Variants in UBE2E3 observed in about 807,000 individuals in gnomAD.
UBE2E3 encodes the protein ubiquitin-conjugating enzyme E2 E3.
In UBE2E3, 5 loss-of-function variants were observed where a neutral mutation model predicts 23.6. That is an observed-to-expected ratio of 0.21 (90% CI 0.11 to 0.44). UBE2E3 has a LOEUF of 0.44. Ranked by LOEUF, UBE2E3 falls within the 20% of genes least tolerant of loss-of-function variation. UBE2E3 has a pLI of 0.99. For missense variants in UBE2E3, 81 were observed against 249.8 expected, an observed-to-expected ratio of 0.32 and a Z score of 4.55; for synonymous variants, 78 against 87.5, an observed-to-expected ratio of 0.89 and a Z score of 0.60.
rs145412385 is a variant in UBE2E3 at position 180,992,170 on chromosome 2, T to C, written c.245+8077T>C. 3.9e-5 allele frequency among the ~76,000 whole-genome samples: 6 copies of C among 152,330 alleles called. No homozygotes were observed. In the East Asian group the frequency reaches 1.2e-3, roughly 29 times the overall value. ...GTAACTTGTATGCTTAAGAGTTCTT[T>C]TCTCTTAAGGTGAAACTATCAGTGT... On this transcript the variant is annotated intron_variant, in intron 3 of 5. Transcript: ENST00000410062.
chr2:181,009,012 A>G (rs1019076803), intron 3 of UBE2E3, among the ~76,000 whole-genome samples: 21 of 143,460 alleles, frequency 1.5e-4, no homozygotes, highest in African/African-American at 5.2e-4. Context: ...ATTAAATATT[A>G]TAGCAGTGCT....
chr2:181,060,053 A>G (rs1687098712), intron 4 of UBE2E3, among the ~76,000 whole-genome samples: 1 of 151,678 alleles, frequency 6.6e-6, no homozygotes, highest in Non-Finnish European at 1.5e-5. Context: ...CCAGTAGCTA[A>G]AAACCTTGTT....
rs115123625 is a variant in UBE2E3 at position 181,022,311 on chromosome 2, A to C, written c.246-35382A>C. On this transcript the variant is annotated intron_variant, in intron 3 of 5. Transcript: ENST00000410062. ...GAAGATTTATCAAACATTTAGAAAA[A>C]TAAACACAGTTGATTTTCATTATTC... 3.4e-3 allele frequency among the ~76,000 whole-genome samples: 523 copies of C among 152,230 alleles called. 2 individuals carry two copies. Among genetic ancestry groups the C allele is most frequent in the Admixed American group, 6.0e-3 (91 of 15,278 alleles).
intron 3 of UBE2E3, among the ~76,000 whole-genome samples, chr2:181,035,782 T>C (rs6722001): frequency 0.042 from 6,363 of 152,288 alleles, 193 homozygotes; most frequent in African/African-American, 0.076. Flanking sequence ...ACCCCTGATA[T>C]ATAGTTGTAC....
At chr2:181,028,032 A>G (rs1685953197) in intron 3 of UBE2E3, among the ~76,000 whole-genome samples, 1 of 152,000 alleles carries the variant, frequency 6.6e-6, no homozygotes, top group South Asian at 2.1e-4. Flanking sequence ...CTTCACCCAG[A>G]TGTGATCATT....
chr2:181,006,210 G>A (rs1398515600), intron 3 of UBE2E3, among the ~76,000 whole-genome samples: 1 of 152,114 alleles, frequency 6.6e-6, no homozygotes, highest in Non-Finnish European at 1.5e-5. Flanking sequence ...GTGAGAGCTA[G>A]AATTGAGCAC....
chr2:180,991,986 G>A (rs1369106893), intron 3 of UBE2E3, among the ~76,000 whole-genome samples: 2 of 152,204 alleles, frequency 1.3e-5, no homozygotes, highest in Non-Finnish European at 2.9e-5. Context: ...GATAGGTAGG[G>A]ACTGCTCTGC....
intron 3 of UBE2E3, among the ~76,000 whole-genome samples, chr2:181,006,948 A>G (rs2105601207): frequency 6.6e-6 from 1 of 152,316 alleles, no homozygotes; most frequent in East Asian, 1.9e-4. Context: ...TATAATACCT[A>G]ACAATCTAAT....
chr2:181,042,500 G>C (rs1008271544), intron 3 of UBE2E3, among the ~76,000 whole-genome samples: 8 of 152,160 alleles, frequency 5.3e-5, no homozygotes, highest in African/African-American at 1.9e-4. Context: ...TATTGAAAGA[G>C]GCAGTAGTCA....
At chr2:181,045,218 C>G (rs571979789) in intron 3 of UBE2E3, among the ~76,000 whole-genome samples, 38 of 152,216 alleles carry the variant, frequency 2.5e-4, no homozygotes, top group Non-Finnish European at 7.4e-5. Flanking sequence ...CTCATTTGAT[C>G]AATTTTAAAA....
At chr2:180,984,352 TTC>T (rs1442242828) in intron 3 of UBE2E3, among the ~76,000 whole-genome samples, 2 of 152,336 alleles carry the variant, frequency 1.3e-5, no homozygotes, top group Non-Finnish European at 2.9e-5. Context: ...CTGATTTTTG[TTC>T]TGATGTATTT....
At position 181,062,935 on chromosome 2, in the gene UBE2E3, A is replaced by C; in HGVS notation, c.*47A>C. On this transcript the variant is annotated 3_prime_UTR_variant, in exon 6 of 6. Transcript: ENST00000410062. The stretch of plus-strand genomic sequence containing the variant: ...GTGAAGGAGCAGAAGGCATCTTCTC[A>C]CTGTGCTGCAAATCTTTATAGCCTT... 1.7e-6 allele frequency: 2 copies of C among 1,189,924 alleles called. No individual in the cohort carries two copies. The highest frequency in any genetic ancestry group is 2.5e-6 in the Non-Finnish European group (2 of 809,164). The allele number at this position is 1,189,924 out of a possible 1,614,324, so 73.7% of individuals were successfully genotyped here. A position where few individuals can be genotyped will look rare whatever the true frequency, so the allele number is the denominator to read the frequency against.
intron 3 of UBE2E3, among the ~76,000 whole-genome samples, chr2:181,039,726 G>T (rs528564073): frequency 6.6e-6 from 1 of 152,272 alleles, no homozygotes; most frequent in African/African-American, 2.4e-5. Context: ...TGATGTCTAG[G>T]AGTTAAATAA....
intron 2 of UBE2E3, among the ~76,000 whole-genome samples, chr2:180,983,449 T>G (rs1293450726): frequency 3.3e-5 from 5 of 152,202 alleles, no homozygotes; most frequent in Non-Finnish European, 5.9e-5. Flanking sequence ...TTTCTCCTCT[T>G]TCTCTCAATG....
intron 3 of UBE2E3, among the ~76,000 whole-genome samples, chr2:181,047,548 G>A (rs1462287494): frequency 6.6e-6 from 1 of 152,028 alleles, no homozygotes; most frequent in Non-Finnish European, 1.5e-5. Flanking sequence ...CTCAGTCATA[G>A]CAGTCTGAAA....
rs184333411 is a variant in UBE2E3 at position 181,000,005 on chromosome 2, A to G, written c.245+15912A>G. Among the ~76,000 whole-genome samples the G allele has an allele frequency of 3.1e-3, 473 of 152,358 alleles. 1 individual carries two copies. The highest frequency in any genetic ancestry group is 4.6e-3 in the Non-Finnish European group (316 of 68,024). On this transcript the variant is annotated intron_variant, in intron 3 of 5. Coordinates refer to ENST00000410062, the MANE Select transcript of UBE2E3 (RefSeq NM_006357.4). The stretch of plus-strand genomic sequence containing the variant: ...CTTTTGAAAGTGGTTCTGGCCCACA[A>G]ATAGCAATGATCAGTGATACAGAAT...
At chr2:181,062,495 A>G (rs1430964148) in intron 5 of UBE2E3, among the ~76,000 whole-genome samples, 1 of 151,690 alleles carries the variant, frequency 6.6e-6, no homozygotes, top group African/African-American at 2.4e-5. Flanking sequence ...TTTGAATGAA[A>G]GGCCAAAATT....
intron 4 of UBE2E3, 71 bp from the exon 5 acceptor site, chr2:181,060,594 A>T (rs1042817417): frequency 7.5e-7 from 1 of 1,325,976 alleles, no homozygotes; most frequent in African/African-American, 1.5e-5. Context: ...ATTACCCTTC[A>T]TTTTTTTTTA....
At chr2:181,050,410 C>G (rs570112963) in intron 3 of UBE2E3, among the ~76,000 whole-genome samples, 1 of 151,972 alleles carries the variant, frequency 6.6e-6, no homozygotes, top group South Asian at 2.1e-4. Context: ...CAACGGGATT[C>G]TCTTCAGAAA....
Sources: allele counts gnomAD v4.1 joint callset (sites outside exome capture counted in the v4.1 genomes callset), GRCh38; gene constraint gnomAD v4.1.1; transcripts MANE v1.5; gene names NCBI Gene and HGNC (gene_info 2026-07-23, HGNC 2026-07-21).